ANXA10: variants seen among roughly 807,000 people sequenced by gnomAD.
ANXA10 encodes the protein annexin 14.
Under a neutral mutation model 53.5 loss-of-function variants are expected in ANXA10, and 49 were observed. The ratio of observed to expected loss-of-function variants is 0.92; its 90% CI spans 0.73 to 1.16. The LOEUF (loss-of-function observed/expected upper bound fraction) is 1.16. Among genes scored for constraint, ANXA10 ranks in the 50% most tolerant of loss-of-function variants. ANXA10 has a pLI of 0.00. For missense variants in ANXA10, 393 were observed against 394.4 expected (o/e 1.00, Z 0.03); for synonymous variants, 131 against 128.9 (o/e 1.02, Z -0.11).
intron 1 of ANXA10, among the ~76,000 whole-genome samples, chr4:168,117,923 ACTCACTCACTCACTCC>A (rs1475825651): frequency 1.4e-5 from 2 of 145,776 alleles, no homozygotes; most frequent in African/African-American, 5.5e-5. Flanking sequence ...TCACTCACTC[ACTCACTCACTCACTCC>A]CTCCCTCCCT....
chr4:168,149,779 A>G (rs1165470388), intron 3 of ANXA10, among the ~76,000 whole-genome samples: 1 of 152,210 alleles, frequency 6.6e-6, no homozygotes, highest in East Asian at 1.9e-4. Flanking sequence ...ATTGTTTCAG[A>G]TTATCAGGGA....
intron 3 of ANXA10, among the ~76,000 whole-genome samples, chr4:168,152,675 T>C (rs1267181607): frequency 1.3e-5 from 2 of 151,502 alleles, no homozygotes; most frequent in Non-Finnish European, 2.9e-5. Context: ...GGAAACTCGC[T>C]TGGAGGCTAT....
intron 1 of ANXA10, among the ~76,000 whole-genome samples, chr4:168,115,653 A>C (rs2149467178): frequency 6.6e-6 from 1 of 152,288 alleles, no homozygotes; most frequent in South Asian, 2.1e-4. Flanking sequence ...AAGTGAAAAA[A>C]AAGTCTTAAT....
At chr4:168,172,786 A>ATTT (rs34280639) in intron 6 of ANXA10, among the ~76,000 whole-genome samples, 2 of 133,702 alleles carry the variant, frequency 1.5e-5, no homozygotes, top group East Asian at 2.1e-4. Flanking sequence ...GTATGTTGCC[A>ATTT]TTTTTTTTTT....
chr4:168,177,091 T>C (rs181180453), intron 6 of ANXA10, among the ~76,000 whole-genome samples: 45 of 152,244 alleles, frequency 3.0e-4, no homozygotes, highest in African/African-American at 1.0e-3. Flanking sequence ...CCTCCATATC[T>C]TGACCCAAAA....
chr4:168,119,205 A>G (rs1272326587), intron 1 of ANXA10, among the ~76,000 whole-genome samples: 1 of 152,200 alleles, frequency 6.6e-6, no homozygotes, highest in Non-Finnish European at 1.5e-5. Flanking sequence ...TGACACAGTG[A>G]AAAAGGAACT....
At chr4:168,123,225 C>T (rs1391197090) in intron 1 of ANXA10, among the ~76,000 whole-genome samples, 2 of 151,984 alleles carry the variant, frequency 1.3e-5, no homozygotes, top group Non-Finnish European at 2.9e-5. Context: ...CCCATGTGAG[C>T]TCTATAGCTG....
intron 1 of ANXA10, among the ~76,000 whole-genome samples, chr4:168,098,435 G>A (rs900992721): frequency 5.9e-5 from 9 of 151,950 alleles, no homozygotes; most frequent in Non-Finnish European, 8.8e-5. Context: ...ACCCACATCC[G>A]ACCCTTATCT....
At chr4:168,113,181 A>G (rs1342070721) in intron 1 of ANXA10, 1 of 152,328 alleles carries the variant, frequency 6.6e-6, no homozygotes, top group Non-Finnish European at 1.5e-5. Flanking sequence ...CTATAACACA[A>G]TATTTAAAAC....
intron 1 of ANXA10, among the ~76,000 whole-genome samples, chr4:168,123,078 A>C (rs936126791): frequency 6.6e-6 from 1 of 152,180 alleles, no homozygotes; most frequent in Admixed American, 6.5e-5. Flanking sequence ...AGCCTAGAAG[A>C]AGCAGGAAAC....
At chr4:168,180,710 A>T (rs1015831902) in intron 9 of ANXA10, among the ~76,000 whole-genome samples, 12 of 152,210 alleles carry the variant, frequency 7.9e-5, no homozygotes, top group Non-Finnish European at 1.8e-4. Context: ...AATTACTTAA[A>T]CTACCAGGGA....
intron 3 of ANXA10, among the ~76,000 whole-genome samples, chr4:168,157,860 G>A (rs904172892): frequency 1.3e-5 from 2 of 152,016 alleles, no homozygotes; most frequent in Non-Finnish European, 2.9e-5. Flanking sequence ...TTCACCTGTT[G>A]ATGGACATTC....
At position 168,187,552 on chromosome 4, in the gene ANXA10, T is replaced by A. The variant is rs752425262; in HGVS notation, c.*118T>A. ...AACAAAACTATACAATCATATTTTC[T>A]CTTCTATCTTTGAAATTATTCTAAG... On this transcript the variant is annotated 3_prime_UTR_variant, in exon 12 of 12. Coordinates refer to ENST00000359299, the MANE Select transcript of ANXA10 (RefSeq NM_007193.5). The A allele has an allele frequency of 1.1e-5, 6 of 555,940 alleles. No individual in the cohort carries two copies. The highest frequency in any genetic ancestry group is 8.8e-6 in the Non-Finnish European group (3 of 339,158). The allele number at this position is 555,940 out of a possible 1,614,324, so 34.4% of individuals were successfully genotyped here.
At position 168,179,208 on chromosome 4, in the gene ANXA10, T is replaced by G; in HGVS notation, c.629-9T>G. ...AAAATCTCCTTTGAATTACATCAAT[T>G]TGTTAAAGTTTTCCAGGAATTTCAA... is the stretch of plus-strand genomic sequence containing the variant. On this transcript the variant is annotated splice_polypyrimidine_tract_variant and intron_variant, in intron 8 of 11. Transcript: ENST00000359299. 3.2e-6 allele frequency: 5 copies of G among 1,554,532 alleles called. No individual in the cohort carries two copies. The highest frequency in any genetic ancestry group is 4.4e-6 in the Non-Finnish European group (5 of 1,130,342).
chr4:168,147,118 T>C (rs993954485), intron 3 of ANXA10, among the ~76,000 whole-genome samples: 1 of 152,224 alleles, frequency 6.6e-6, no homozygotes, highest in African/African-American at 2.4e-5. Context: ...ATTTTTTTCA[T>C]GTAAATGCAA....
At chr4:168,140,484 A>T (rs1404564573) in intron 3 of ANXA10, among the ~76,000 whole-genome samples, 1 of 152,238 alleles carries the variant, frequency 6.6e-6, no homozygotes, top group Non-Finnish European at 1.5e-5. Context: ...TCTTTTCCAC[A>T]TAAACTGTTA....
intron 2 of ANXA10, among the ~76,000 whole-genome samples, chr4:168,138,823 A>G (rs1731280778): frequency 6.6e-6 from 1 of 152,190 alleles, no homozygotes; most frequent in African/African-American, 2.4e-5. Context: ...GGTTAAATGT[A>G]TTCCTAGATA....
intron 2 of ANXA10, among the ~76,000 whole-genome samples, chr4:168,128,546 CA>C (rs1490782732): frequency 1.3e-5 from 2 of 152,100 alleles, no homozygotes; most frequent in African/African-American, 4.8e-5. Flanking sequence ...TCCAGTCAAT[CA>C]AACTTTTTGC....
intron 1 of ANXA10, among the ~76,000 whole-genome samples, chr4:168,096,674 GT>G (rs1168181130): frequency 6.6e-6 from 1 of 151,626 alleles, no homozygotes; most frequent in Non-Finnish European, 1.5e-5. Context: ...TTTTTAACCT[GT>G]TAAGTGTGAT....
Sources: allele counts gnomAD v4.1 joint callset (sites outside exome capture counted in the v4.1 genomes callset), GRCh38; gene constraint gnomAD v4.1.1; transcripts MANE v1.5; gene names NCBI Gene and HGNC (gene_info 2026-07-23, HGNC 2026-07-21).